The following LRRC2 variants were observed in gnomAD, a reference collection of about 807,000 sequenced individuals.
LRRC2 encodes leucine-rich repeat-containing protein 2.
LRRC2 carries 27 observed loss-of-function variants against 40.2 expected under a neutral mutation model. That is an observed-to-expected ratio of 0.67 (90% CI 0.49 to 0.93). The LOEUF (loss-of-function observed/expected upper bound fraction) is 0.93. Ranked by LOEUF, LRRC2 falls within the 40% of genes least tolerant of loss-of-function variation. The pLI is 0.00. For missense variants in LRRC2, 402 were observed against 439.6 expected (o/e 0.91, Z 0.76); for synonymous variants, 147 against 158.9 (o/e 0.92, Z 0.56).
rs1704330040 is a variant in LRRC2 at position 46,539,123 on chromosome 3, T to C, written c.412A>G (p.Thr138Ala). 1.2e-6 allele frequency: 2 copies of C among 1,613,868 alleles called. No individual in the cohort carries two copies. Among genetic ancestry groups the C allele is most frequent in the Non-Finnish European group, 1.7e-6 (2 of 1,179,776 alleles). The change falls in exon 4 of 9, where the codon ACA becomes GCA. Residue 138 changes from threonine to alanine, a missense_variant. By Grantham distance (58) the Thr-to-Ala change is moderately conservative (BLOSUM62 0). Transcript: ENST00000395905. ...ISNTLIQIIP[T>A]YIQLFQAMRI... is the part of the protein sequence containing the mutation. ...ATCGCTTGAAATAACTGAATATATG[T>C]AGGAATGATTTGAATCAAGGTATTG...
chr3:46,534,246 A>G (rs988380333), intron 4 of LRRC2, among the ~76,000 whole-genome samples: 2 of 152,142 alleles, frequency 1.3e-5, no homozygotes, highest in African/African-American at 4.8e-5. Context: ...GTCTCTGCAA[A>G]GGACACAAAC....
chr3:46,523,831 C>A (rs1704008516), intron 7 of LRRC2, among the ~76,000 whole-genome samples: 1 of 152,138 alleles, frequency 6.6e-6, no homozygotes, highest in African/African-American at 2.4e-5. Flanking sequence ...ACCCATCTAC[C>A]CACCCATCTG....
At chr3:46,552,941 G>A (rs1385554244) in intron 1 of LRRC2, among the ~76,000 whole-genome samples, 4 of 152,192 alleles carry the variant, frequency 2.6e-5, no homozygotes, top group Admixed American at 6.5e-5. Flanking sequence ...TCTATTTTCA[G>A]TGTCACCAAA....
At chr3:46,549,424 T>C (rs1559417874) in intron 2 of LRRC2, among the ~76,000 whole-genome samples, 1 of 152,136 alleles carries the variant, frequency 6.6e-6, no homozygotes, top group Non-Finnish European at 1.5e-5. Flanking sequence ...AGAAACTAAG[T>C]TCCTTTCTTA....
rs1253554636 is a variant in LRRC2 at position 46,516,178 on chromosome 3, G to A, written c.*2836C>T. ...TCACTATGTTGTTTAGGCTGGTCTC[G>A]AACTCCTGACCTCATGATTCACCCA... On this transcript the variant is annotated 3_prime_UTR_variant, in exon 9 of 9. Coordinates refer to ENST00000395905, the MANE Select transcript of LRRC2 (RefSeq NM_024512.5). The A allele has an allele frequency of 2.0e-5, 3 of 151,804 alleles. No homozygotes were observed. Among genetic ancestry groups the A allele is most frequent in the South Asian group, 4.2e-4 (2 of 4,800 alleles). 9.4% of individuals were successfully genotyped at this position (151,804 alleles called of 1,614,324 possible).
intron 1 of LRRC2, among the ~76,000 whole-genome samples, chr3:46,555,580 A>C (rs1048339041): frequency 1.3e-5 from 2 of 152,052 alleles, no homozygotes; most frequent in Admixed American, 6.5e-5. Flanking sequence ...ACTTTTTCAT[A>C]GTCCACTTAG....
At chr3:46,556,763 G>A (rs1306458558) in intron 1 of LRRC2, among the ~76,000 whole-genome samples, 2 of 151,884 alleles carry the variant, frequency 1.3e-5, no homozygotes, top group Admixed American at 1.3e-4. Context: ...ATTTTTAGTA[G>A]AGACAGGGTT....
intron 1 of LRRC2, among the ~76,000 whole-genome samples, chr3:46,563,825 G>C (rs931970045): frequency 1.3e-5 from 2 of 152,188 alleles, no homozygotes; most frequent in Non-Finnish European, 2.9e-5. Flanking sequence ...ATGGGAACTG[G>C]TGGGGCCTCT....
At position 46,545,287 on chromosome 3, in the gene LRRC2, C is replaced by T. The variant is rs201372726; in HGVS notation, c.126-34G>A. 9.3e-5 allele frequency: 149 copies of T among 1,594,284 alleles called. 3 individuals are homozygous for T. The East Asian group carries it at 3.3e-3, about 36-fold the overall frequency. On this transcript the variant is annotated intron_variant, in intron 2 of 8. Transcript: ENST00000395905. ...GGCAGCAGGGGTCACAGTTACTCTC[C>T]TGGGGACTGGCCATCACCTGCCTAG...
intron 1 of LRRC2, among the ~76,000 whole-genome samples, chr3:46,554,113 A>C (rs1240190501): frequency 6.6e-6 from 1 of 151,766 alleles, no homozygotes; most frequent in Non-Finnish European, 1.5e-5. Flanking sequence ...TCAACCTCCC[A>C]GGCTCAAGCA....
chr3:46,540,934 G>A (rs958132243), intron 3 of LRRC2, among the ~76,000 whole-genome samples: 2 of 152,184 alleles, frequency 1.3e-5, no homozygotes, highest in African/African-American at 4.8e-5. Flanking sequence ...ACACTTCAAC[G>A]TACTGACTGT....
chr3:46,558,494 A>G (rs2280411), intron 1 of LRRC2: 57,917 of 152,030 alleles, frequency 0.38, 11,305 homozygotes, highest in East Asian at 0.63. Context: ...TGGCCCGTCT[A>G]CGGCGTGGCT....
At chr3:46,543,886 A>G (rs1439732618) in intron 3 of LRRC2, among the ~76,000 whole-genome samples, 1 of 152,074 alleles carries the variant, frequency 6.6e-6, no homozygotes, top group East Asian at 1.9e-4. Context: ...AAGAACAGTA[A>G]AGAGGTTTAC....
rs2107071966 is a variant in LRRC2, at chr3:46,566,079, T to C, written c.-20+98A>G. The C allele has an allele frequency of 2.0e-5, 3 of 152,398 alleles. No individual in the cohort carries two copies. The Middle Eastern group carries it at 0.01, about 515-fold the overall frequency. The allele number at this position is 152,398 out of a possible 1,614,324, so 9.4% of individuals were successfully genotyped here. A position where few individuals can be genotyped will look rare whatever the true frequency, so the allele number is the denominator to read the frequency against. ...AGGCACAGAGGAAGGATTAAACAACTGAGCGCCCGGGGCACCGGCCATCCG... is the reference window on the plus strand; with the variant it reads ...AGGCACAGAGGAAGGATTAAACAACCGAGCGCCCGGGGCACCGGCCATCCG... On this transcript the variant is annotated intron_variant, in intron 1 of 8. Transcript: ENST00000395905.
intron 3 of LRRC2, among the ~76,000 whole-genome samples, chr3:46,539,814 G>A (rs769789106): frequency 2.6e-5 from 4 of 152,176 alleles, no homozygotes; most frequent in Non-Finnish European, 5.9e-5. Flanking sequence ...AGTGTTCTGG[G>A]ATAAAACTGT....
chr3:46,549,182 G>A (rs550768584), intron 2 of LRRC2, among the ~76,000 whole-genome samples: 1 of 152,244 alleles, frequency 6.6e-6, no homozygotes, highest in South Asian at 2.1e-4. Context: ...GAACAAGCTA[G>A]GAGGTTTTAT....
intron 7 of LRRC2, 40 bp from the exon 8 acceptor site, chr3:46,521,698 T>C: frequency 2.6e-6 from 4 of 1,565,326 alleles, no homozygotes; most frequent in African/African-American, 1.4e-5. Flanking sequence ...TTATCACCTG[T>C]GCGTTTTAAA....
intron 3 of LRRC2, among the ~76,000 whole-genome samples, chr3:46,541,212 A>G (rs569489389): frequency 4.1e-4 from 63 of 152,172 alleles, no homozygotes; most frequent in African/African-American, 1.5e-3. Context: ...GGGCGCCTGC[A>G]GTCCCAGCTG....
At chr3:46,556,537 T>C (rs1704800119) in intron 1 of LRRC2, among the ~76,000 whole-genome samples, 1 of 151,910 alleles carries the variant, frequency 6.6e-6, no homozygotes, top group African/African-American at 2.4e-5. Flanking sequence ...ACTTGGTTTA[T>C]ATCTTTTGAC....
Sources: gnomAD v4.1 joint callset for allele counts (sites outside exome capture counted in the v4.1 genomes callset) on GRCh38, gnomAD v4.1.1 for gene constraint, MANE v1.5 for transcripts, NCBI Gene and HGNC (gene_info 2026-07-23, HGNC 2026-07-21) for gene names.